Variants in MRPS9 observed in about 807,000 individuals in gnomAD.
The protein encoded by MRPS9 is mitochondrial ribosomal protein S9.
In MRPS9, 45 loss-of-function variants were observed where a neutral mutation model predicts 59.9. The observed-to-expected ratio is 0.75, with a 90% CI of 0.59 to 0.96. MRPS9 has a LOEUF of 0.96. Among genes scored for constraint, MRPS9 ranks in the 40% least tolerant of loss-of-function variants. The pLI, the probability that MRPS9 is intolerant of heterozygous loss-of-function variation, is 0.00. For synonymous variants in MRPS9, 171 were observed against 166.8 expected (o/e 1.03, Z -0.19); for missense variants, 473 against 481.1 (o/e 0.98, Z 0.16).
intron 1 of MRPS9, among the ~76,000 whole-genome samples, chr2:105,040,662 A>G (rs1168919192): frequency 6.6e-6 from 1 of 152,204 alleles, no homozygotes; most frequent in Non-Finnish European, 1.5e-5. Context: ...CCTCAATACA[A>G]TTGCAAATGT....
intron 7 of MRPS9, among the ~76,000 whole-genome samples, chr2:105,091,742 T>C (rs976654957): frequency 2.6e-5 from 4 of 152,168 alleles, no homozygotes; most frequent in African/African-American, 9.7e-5. Flanking sequence ...GCTTCTAATT[T>C]TAAGGGGTTA....
intron 2 of MRPS9, among the ~76,000 whole-genome samples, chr2:105,050,955 G>A (rs1679700941): frequency 6.6e-6 from 1 of 152,196 alleles, no homozygotes; most frequent in Non-Finnish European, 1.5e-5. Context: ...GTTTTCGATT[G>A]TATGGATATA....
intron 1 of MRPS9, 27 bp downstream of exon 1, chr2:105,038,254 C>A: frequency 6.2e-7 from 1 of 1,600,704 alleles, no homozygotes; most frequent in South Asian, 1.1e-5. Context: ...CTGGAAGCGG[C>A]TTACCTCTGC....
At chr2:105,052,388 T>C (rs535287781) in intron 2 of MRPS9, among the ~76,000 whole-genome samples, 1 of 152,320 alleles carries the variant, frequency 6.6e-6, no homozygotes, top group Admixed American at 6.5e-5. Context: ...ATTTTGATGA[T>C]GATTTGGTTT....
chr2:105,061,873 A>G (rs988301700), intron 2 of MRPS9, among the ~76,000 whole-genome samples: 2 of 152,178 alleles, frequency 1.3e-5, no homozygotes, highest in African/African-American at 4.8e-5. Context: ...TTTCTTGCTT[A>G]TGCTTTGTTC....
At chr2:105,068,497 T>C (rs182421214) in intron 2 of MRPS9, among the ~76,000 whole-genome samples, 291 of 152,336 alleles carry the variant, frequency 1.9e-3, no homozygotes, top group African/African-American at 6.3e-3. Flanking sequence ...TTAGAGTTTC[T>C]TTGTAAATAT....
At chr2:105,097,875 T>G (rs1416549808) in intron 10 of MRPS9, among the ~76,000 whole-genome samples, 1 of 152,106 alleles carries the variant, frequency 6.6e-6, no homozygotes, top group African/African-American at 2.4e-5. Flanking sequence ...AATTTTTGTA[T>G]ATTTTGTAGA....
At chr2:105,097,112 CT>C in intron 9 of MRPS9, 42 bp from the exon 10 acceptor site, 1 of 1,418,194 alleles carries the variant, frequency 7.1e-7, no homozygotes, top group Non-Finnish European at 9.3e-7. Flanking sequence ...AATTATGTAT[CT>C]TTATAGTAAA....
At chr2:105,091,365 A>G (rs1680554541) in intron 7 of MRPS9, 1 of 470,998 alleles carries the variant, frequency 2.1e-6, no homozygotes, top group Non-Finnish European at 4.4e-6. Flanking sequence ...TCAAGAGAGT[A>G]GCTGAGCACA....
chr2:105,075,388 G>A (rs906538318), intron 4 of MRPS9, among the ~76,000 whole-genome samples: 2 of 152,134 alleles, frequency 1.3e-5, no homozygotes, highest in Non-Finnish European at 2.9e-5. Context: ...CCAGGGGTTG[G>A]GTACCCCTGT....
chr2:105,093,521 T>A lies in MRPS9; in HGVS notation c.821-9T>A. ...GATATTTACTAATAGGAATTTTATATTTTTGAAGGTAAAAGAAAGACTGCA... is the reference window on the plus strand; with the variant it reads ...GATATTTACTAATAGGAATTTTATAATTTTGAAGGTAAAAGAAAGACTGCA... On this transcript the variant is annotated splice_polypyrimidine_tract_variant and intron_variant, in intron 8 of 10. Coordinates refer to ENST00000258455, the MANE Select transcript of MRPS9 (RefSeq NM_182640.3). 6.6e-7 allele frequency: 1 copy of A among 1,509,778 alleles called. No individual in the cohort carries two copies. Among genetic ancestry groups the A allele is most frequent in the Non-Finnish European group, 9.1e-7 (1 of 1,102,200 alleles). 93.5% of individuals were successfully genotyped at this position (1,509,778 alleles called of 1,614,324 possible).
chr2:105,049,754 G>A (rs760747846), intron 2 of MRPS9, among the ~76,000 whole-genome samples: 12 of 152,172 alleles, frequency 7.9e-5, no homozygotes, highest in Non-Finnish European at 1.3e-4. Flanking sequence ...AAATGGGGGC[G>A]TAGTCTAAGT....
At chr2:105,085,934 A>C (rs1040130132) in intron 5 of MRPS9, among the ~76,000 whole-genome samples, 1 of 152,172 alleles carries the variant, frequency 6.6e-6, no homozygotes, top group Admixed American at 6.5e-5. Context: ...TTATACCCTT[A>C]AGGATTTTTT....
chr2:105,096,688 A>C (rs1242498398), intron 9 of MRPS9, among the ~76,000 whole-genome samples: 1 of 152,240 alleles, frequency 6.6e-6, no homozygotes, highest in African/African-American at 2.4e-5. Flanking sequence ...AACCATATCA[A>C]GATGAGCATT....
In MRPS9 at chr2:105,067,564, A is replaced by G. The variant is rs143027105; in HGVS notation, c.316-3749A>G. Among the ~76,000 whole-genome samples the G allele has an allele frequency of 3.3e-3, 496 of 152,180 alleles. 3 individuals are homozygous for G. Among genetic ancestry groups the G allele is most frequent in the African/African-American group, 0.011 (470 of 41,516 alleles). On this transcript the variant is annotated intron_variant, in intron 2 of 10. Transcript: ENST00000258455. The stretch of plus-strand genomic sequence containing the variant: ...TATTCTGAGTTCATGCGAATTTTCC[A>G]TTCTTTAGTAACCTTTCAGCCAGTG...
intron 7 of MRPS9, chr2:105,091,197 C>A (rs1558763086): frequency 4.5e-6 from 2 of 443,006 alleles, no homozygotes; most frequent in East Asian, 1.4e-4. Flanking sequence ...CTTTGGGGTA[C>A]TGGATATCAG....
chr2:105,084,013 C>A (rs1297013240), intron 5 of MRPS9, among the ~76,000 whole-genome samples: 1 of 151,966 alleles, frequency 6.6e-6, no homozygotes, highest in Non-Finnish European at 1.5e-5. Context: ...CCTAGTTTTA[C>A]GACTGATATC....
At chr2:105,071,707 A>C (rs1199888929) in intron 4 of MRPS9, among the ~76,000 whole-genome samples, 2 of 152,226 alleles carry the variant, frequency 1.3e-5, no homozygotes, top group Non-Finnish European at 2.9e-5. Flanking sequence ...GCTTAGGACT[A>C]TACCAATGTC....
Position 105,093,983 on chromosome 2 carries a change from G to T in MRPS9, c.929+345G>T, listed in dbSNP as rs146811154. On this transcript the variant is annotated intron_variant, in intron 9 of 10. Transcript: ENST00000258455. The stretch of plus-strand genomic sequence containing the variant: ...ATTTCCACCTTCTAGTTTGGGGATG[G>T]GCGTGCACAAAACAAAACCACCACC... Among the ~76,000 whole-genome samples the T allele has an allele frequency of 2.0e-5, 3 of 152,170 alleles. No individual in the cohort carries two copies. In the East Asian group the frequency reaches 5.8e-4, roughly 29 times the overall value.
Sources: gnomAD v4.1 joint callset for allele counts (sites outside exome capture counted in the v4.1 genomes callset) on GRCh38, gnomAD v4.1.1 for gene constraint, MANE v1.5 for transcripts, NCBI Gene and HGNC (gene_info 2026-07-23, HGNC 2026-07-21) for gene names.